Variants in IGFBP7 observed in about 807,000 individuals in gnomAD.
IGFBP7 encodes the protein insulin like growth factor binding protein 7.
IGFBP7 carries 31 observed loss-of-function variants against 29.4 expected under a neutral mutation model. The observed-to-expected ratio is 1.05, with a 90% confidence interval of 0.79 to 1.42. The LOEUF is 1.42. Ranked by LOEUF, IGFBP7 falls within the 40% of genes most tolerant of loss-of-function variation. The pLI is 0.00. For synonymous variants in IGFBP7, 172 were observed against 174.9 expected (o/e 0.98, Z 0.13); for missense variants, 393 against 395.5 (o/e 0.99, Z 0.05).
intron 1 of IGFBP7, among the ~76,000 whole-genome samples, chr4:57,065,835 A>T (rs1724907486): frequency 6.6e-6 from 1 of 152,130 alleles, no homozygotes; most frequent in Non-Finnish European, 1.5e-5. Context: ...CCTCAACCTC[A>T]GGAAATCTCT....
chr4:57,075,841 C>A (rs1725209673), intron 1 of IGFBP7, among the ~76,000 whole-genome samples: 1 of 152,198 alleles, frequency 6.6e-6, no homozygotes, highest in African/African-American at 2.4e-5. Flanking sequence ...CTGTGTATGA[C>A]TGAAGTACCT....
At chr4:57,080,163 C>G (rs1725330863) in intron 1 of IGFBP7, among the ~76,000 whole-genome samples, 1 of 152,086 alleles carries the variant, frequency 6.6e-6, no homozygotes, top group South Asian at 2.1e-4. Flanking sequence ...TGAATGACTA[C>G]AAGAATGAAT....
At chr4:57,082,010 G>A (rs1033203060) in intron 1 of IGFBP7, among the ~76,000 whole-genome samples, 1 of 152,104 alleles carries the variant, frequency 6.6e-6, no homozygotes, top group Non-Finnish European at 1.5e-5. Flanking sequence ...AACCGACTCG[G>A]GGATGCTGGT....
intron 2 of IGFBP7, among the ~76,000 whole-genome samples, chr4:57,040,021 A>G (rs1174638747): frequency 6.6e-6 from 1 of 152,150 alleles, no homozygotes; most frequent in Non-Finnish European, 1.5e-5. Context: ...GGCTGGGGCC[A>G]GCATTTAGCA....
At chr4:57,090,850 C>CA (rs1207086445) in intron 1 of IGFBP7, among the ~76,000 whole-genome samples, 2 of 151,862 alleles carry the variant, frequency 1.3e-5, no homozygotes, top group East Asian at 1.9e-4. Flanking sequence ...GACTCCATCT[C>CA]AAAAAAACAA....
chr4:57,034,355 A>T (rs540581297), intron 2 of IGFBP7, among the ~76,000 whole-genome samples: 71 of 144,628 alleles, frequency 4.9e-4, no homozygotes, highest in South Asian at 2.4e-3. Flanking sequence ...GGTGAGTTTT[A>T]AAAAAAAAAG....
intron 1 of IGFBP7, among the ~76,000 whole-genome samples, chr4:57,083,658 T>C (rs1725427688): frequency 6.6e-6 from 1 of 152,238 alleles, no homozygotes. Flanking sequence ...GTTTAGTACA[T>C]TGCTGTGCCC....
chr4:57,037,074 T>C (rs1724099349), intron 2 of IGFBP7, among the ~76,000 whole-genome samples: 1 of 152,218 alleles, frequency 6.6e-6, no homozygotes, highest in South Asian at 2.1e-4. Flanking sequence ...GACACCTTCA[T>C]AAGTGGTAAG....
intron 1 of IGFBP7, among the ~76,000 whole-genome samples, chr4:57,108,074 CA>C (rs1209912887): frequency 1.3e-5 from 2 of 152,190 alleles, no homozygotes; most frequent in Non-Finnish European, 2.9e-5. Flanking sequence ...AAATAACGCA[CA>C]TTTATCTTTT....
intron 1 of IGFBP7, 54 bp from the exon 2 acceptor site, chr4:57,040,987 G>T: frequency 9.0e-7 from 1 of 1,113,664 alleles, no homozygotes; most frequent in Non-Finnish European, 1.4e-6. Flanking sequence ...CTTCACATGA[G>T]TCAGCATCTT....
intron 1 of IGFBP7, among the ~76,000 whole-genome samples, chr4:57,057,031 G>T (rs1435914622): frequency 1.3e-5 from 2 of 151,854 alleles, no homozygotes; most frequent in African/African-American, 4.8e-5. Context: ...TTTGAGACAG[G>T]CTCTCACTCT....
chr4:57,102,335 G>T (rs1489227835), intron 1 of IGFBP7, among the ~76,000 whole-genome samples: 1 of 152,188 alleles, frequency 6.6e-6, no homozygotes, highest in Non-Finnish European at 1.5e-5. Flanking sequence ...ACAAATGCCT[G>T]CTCAGCTTAA....
intron 1 of IGFBP7, among the ~76,000 whole-genome samples, chr4:57,108,688 T>A (rs993894269): frequency 6.6e-6 from 1 of 151,972 alleles, no homozygotes; most frequent in Admixed American, 6.6e-5. Context: ...ATTACAGGCA[T>A]GCACCACCAT....
chr4:57,092,964 TA>T (rs1482617028), intron 1 of IGFBP7, among the ~76,000 whole-genome samples: 1 of 151,988 alleles, frequency 6.6e-6, no homozygotes, highest in Non-Finnish European at 1.5e-5. Flanking sequence ...AAACAAGATA[TA>T]AATACATATG....
chr4:57,102,186 T>C (rs1725914485), intron 1 of IGFBP7, among the ~76,000 whole-genome samples: 1 of 152,168 alleles, frequency 6.6e-6, no homozygotes, highest in African/African-American at 2.4e-5. Context: ...CTAGCTGGCC[T>C]TGGACTCCAT....
At chr4:57,038,078 C>T (rs561187184) in intron 2 of IGFBP7, among the ~76,000 whole-genome samples, 1 of 152,298 alleles carries the variant, frequency 6.6e-6, no homozygotes, top group South Asian at 2.1e-4. Context: ...TTGCCTCTGC[C>T]ATCACCCCCA....
chr4:57,109,403 C>T (rs1188403635), intron 1 of IGFBP7, among the ~76,000 whole-genome samples: 1 of 152,102 alleles, frequency 6.6e-6, no homozygotes, highest in Non-Finnish European at 1.5e-5. Context: ...TGCCCTCCAC[C>T]CTGGGCGACA....
intron 1 of IGFBP7, among the ~76,000 whole-genome samples, chr4:57,100,102 A>C (rs1578652371): frequency 2.1e-5 from 2 of 96,356 alleles, no homozygotes; most frequent in Non-Finnish European, 3.9e-5. Context: ...ACAGCGTCTC[A>C]CCTTGTCATC....
At chr4:57,074,192 C>T (rs1431695002) in intron 1 of IGFBP7, among the ~76,000 whole-genome samples, 2 of 152,194 alleles carry the variant, frequency 1.3e-5, no homozygotes, top group Non-Finnish European at 2.9e-5. Flanking sequence ...TCCCGAGTAG[C>T]TGGGATTACA....
Sources: allele counts gnomAD v4.1 joint callset (sites outside exome capture counted in the v4.1 genomes callset), GRCh38; gene constraint gnomAD v4.1.1; transcripts MANE v1.5; gene names NCBI Gene and HGNC (gene_info 2026-07-23, HGNC 2026-07-21).